The following PGM2L1 variants were observed in gnomAD, a reference collection of about 807,000 sequenced individuals.
PGM2L1 encodes the protein phosphoglucomutase 2 like 1.
In PGM2L1, 35 loss-of-function variants were observed where a neutral mutation model predicts 73.4. The observed-to-expected ratio is 0.48, with a 90% CI of 0.36 to 0.63. The LOEUF (loss-of-function observed/expected upper bound fraction) is 0.63, where lower values mean the gene tolerates loss of function less well. Ranked by LOEUF, PGM2L1 falls within the 30% of genes least tolerant of loss-of-function variation. The probability of loss-of-function intolerance (pLI) is 0.00; values close to 1 mark genes in which losing one functional copy is unlikely to be tolerated. For missense variants in PGM2L1, 570 were observed against 742.0 expected, an observed-to-expected ratio of 0.77 and a Z score of 2.69; for synonymous variants, 225 against 253.8, an observed-to-expected ratio of 0.89 and a Z score of 1.08.
intron 1 of PGM2L1, among the ~76,000 whole-genome samples, chr11:74,380,020 A>C (rs1862915119): frequency 6.6e-6 from 1 of 152,218 alleles, no homozygotes; most frequent in Non-Finnish European, 1.5e-5. Flanking sequence ...CTAAAGTTGC[A>C]AAATTGTACA....
rs1026882509 is a variant in PGM2L1, at chr11:74,392,382, T to G, written c.111+5669A>C. Reference sequence around the variant, plus strand: ...GAATTTGAATTCTAAAAAGAAAAATTCAAATATTCATTTATATGTACTAAA... The same window carrying G: ...GAATTTGAATTCTAAAAAGAAAAATGCAAATATTCATTTATATGTACTAAA... On this transcript the variant is annotated intron_variant, in intron 1 of 13. Transcript: ENST00000298198. Among the ~76,000 whole-genome samples the G allele has an allele frequency of 4.6e-5, 7 of 152,080 alleles. No homozygotes were observed. In the South Asian group the frequency reaches 1.5e-3, roughly 32 times the overall value.
At chr11:74,391,824 A>C (rs2134956259) in intron 1 of PGM2L1, among the ~76,000 whole-genome samples, 1 of 144,500 alleles carries the variant, frequency 6.9e-6, no homozygotes, top group Middle Eastern at 3.4e-3. Flanking sequence ...TACCTTATAT[A>C]AGCTGGTATG....
At chr11:74,336,923 C>G (rs568334801) in intron 13 of PGM2L1, among the ~76,000 whole-genome samples, 169 bp from the exon 14 acceptor site, 1 of 151,410 alleles carries the variant, frequency 6.6e-6, no homozygotes, top group East Asian at 1.9e-4. Flanking sequence ...AAATTACACA[C>G]AAAGAAAACA....
intron 5 of PGM2L1, among the ~76,000 whole-genome samples, chr11:74,353,829 C>G (rs1406363030): frequency 1.2e-3 from 1 of 838 alleles, no homozygotes; most frequent in East Asian, 0.033. Flanking sequence ...CATCATGGCC[C>G]GTTCTCAATG....
intron 1 of PGM2L1, among the ~76,000 whole-genome samples, chr11:74,396,352 A>G (rs947370924): frequency 1.1e-4 from 17 of 151,846 alleles, no homozygotes; most frequent in African/African-American, 4.1e-4. Context: ...AAGTCTTGCT[A>G]CTCCAAGTGT....
intron 5 of PGM2L1, chr11:74,354,994 A>G (rs770558382): frequency 2.9e-5 from 35 of 1,204,624 alleles, no homozygotes; most frequent in Non-Finnish European, 3.4e-5. Context: ...CTGTCAAAGC[A>G]AGAAGAGATG....
In PGM2L1 at chr11:74,338,560, A is replaced by G. The variant is rs917598499; in HGVS notation, c.1674T>C (p.Thr558=). ...VSKNSQMITF[T]FQNGCVATLR... Reference sequence around the variant, plus strand: ...GGGTAGCAACACAGCCATTTTGAAAAGTAAATGTAATCATTTGGCTGTTTT... The same window carrying G: ...GGGTAGCAACACAGCCATTTTGAAAGGTAAATGTAATCATTTGGCTGTTTT... Residue 558 remains threonine, a synonymous_variant, in exon 13 of 14, where the codon ACT becomes ACC. Coordinates refer to ENST00000298198, the MANE Select transcript of PGM2L1 (RefSeq NM_173582.6). The G allele has an allele frequency of 6.2e-7, 1 of 1,607,414 alleles. No homozygotes were observed. Among genetic ancestry groups the G allele is most frequent in the African/African-American group, 1.3e-5 (1 of 75,028 alleles).
intron 1 of PGM2L1, among the ~76,000 whole-genome samples, chr11:74,377,537 T>C (rs184302773): frequency 7.2e-5 from 11 of 152,164 alleles, no homozygotes; most frequent in Non-Finnish European, 1.2e-4. Context: ...AAAAGAGGTA[T>C]GTGTATATTT....
chr11:74,378,867 G>A (rs758885680), intron 1 of PGM2L1, among the ~76,000 whole-genome samples: 13 of 152,284 alleles, frequency 8.5e-5, no homozygotes, highest in Non-Finnish European at 1.3e-4. Flanking sequence ...TCTGCCTGCT[G>A]ACCAATGAAA....
intron 5 of PGM2L1, among the ~76,000 whole-genome samples, chr11:74,359,061 T>C (rs1372259724): frequency 1.3e-5 from 2 of 152,216 alleles, no homozygotes; most frequent in Admixed American, 1.3e-4. Context: ...ATTTTATGAA[T>C]AAAGCATATA....
At chr11:74,381,657 C>T (rs1862948771) in intron 1 of PGM2L1, among the ~76,000 whole-genome samples, 1 of 147,376 alleles carries the variant, frequency 6.8e-6, no homozygotes, top group East Asian at 2.0e-4. Flanking sequence ...CAGCTCACTG[C>T]AGCCCGGACC....
chr11:74,390,709 A>G (rs1206910706), intron 1 of PGM2L1, among the ~76,000 whole-genome samples: 1 of 152,232 alleles, frequency 6.6e-6, no homozygotes, highest in Non-Finnish European at 1.5e-5. Context: ...CCACGTACAA[A>G]AAGTAGCATG....
chr11:74,381,577 T>C (rs867558729), intron 1 of PGM2L1, among the ~76,000 whole-genome samples: 21,021 of 136,362 alleles, frequency 0.15, 1,576 homozygotes, highest in East Asian at 0.26. Flanking sequence ...TTGTCTTTTT[T>C]TTTTTTTTTT....
intron 1 of PGM2L1, among the ~76,000 whole-genome samples, chr11:74,384,495 G>T (rs1223856649): frequency 1.3e-5 from 2 of 151,702 alleles, no homozygotes; most frequent in Non-Finnish European, 2.9e-5. Flanking sequence ...TGTTGTTTCT[G>T]CAGGTTCTTG....
chr11:74,389,241 GT>G (rs1229201702), intron 1 of PGM2L1, among the ~76,000 whole-genome samples: 1 of 152,074 alleles, frequency 6.6e-6, no homozygotes, highest in African/African-American at 2.4e-5. Context: ...AGGTGACAGG[GT>G]GAGACCCTGT....
chr11:74,338,604 A>G lies in PGM2L1; in HGVS notation c.1633-3T>C, dbSNP rs1862134202. On this transcript the variant is annotated splice_region_variant and splice_polypyrimidine_tract_variant and intron_variant, in intron 12 of 13. Transcript: ENST00000298198. ...CTGTTTTTACTCACAGGCAGCACCT[A>G]TGCAAAATGGCAACAACAGCTTAAT... The G allele has an allele frequency of 6.3e-7, 1 of 1,581,468 alleles. No individual in the cohort carries two copies. The highest frequency in any genetic ancestry group is 8.6e-7 in the Non-Finnish European group (1 of 1,157,846).
In PGM2L1 at chr11:74,332,203, C is replaced by T. The variant is rs895352431; in HGVS notation, c.*4449G>A. 1 of 152,104 alleles carries T rather than the reference C, an allele frequency of 6.6e-6. No individual in the cohort carries two copies. The allele number at this position is 152,104 out of a possible 1,614,324, so 9.4% of individuals were successfully genotyped here. A position where few individuals can be genotyped will look rare whatever the true frequency, so the allele number is the denominator to read the frequency against. On this transcript the variant is annotated 3_prime_UTR_variant, in exon 14 of 14. Coordinates refer to ENST00000298198, the MANE Select transcript of PGM2L1 (RefSeq NM_173582.6). ...ATCTTGTGCTTTGGCTCCCCAAGTA[C>T]AAGGAAACCTGAAATAGAATGTTAT...
At chr11:74,370,832 G>T in intron 4 of PGM2L1, 70 bp downstream of exon 4, 5 of 1,337,546 alleles carry the variant, frequency 3.7e-6, no homozygotes, top group African/African-American at 1.5e-5. Context: ...AAAAATATTT[G>T]AATCCTAGTT....
intron 5 of PGM2L1, among the ~76,000 whole-genome samples, chr11:74,367,815 A>G (rs1228899734): frequency 6.6e-6 from 1 of 152,194 alleles, no homozygotes; most frequent in Admixed American, 6.5e-5. Context: ...CTCTGTCCCT[A>G]TGAATGGTAA....
Sources: allele counts gnomAD v4.1 joint callset (sites outside exome capture counted in the v4.1 genomes callset), GRCh38; gene constraint gnomAD v4.1.1; transcripts MANE v1.5; gene names NCBI Gene and HGNC (gene_info 2026-07-23, HGNC 2026-07-21).